The following BLK variants were observed in gnomAD, a reference collection of about 807,000 sequenced individuals.
BLK encodes the protein BLK proto-oncogene, Src family tyrosine kinase.
Under a neutral mutation model 61.8 loss-of-function variants are expected in BLK, and 64 were observed. The observed-to-expected ratio is 1.03, with a 90% CI of 0.85 to 1.27. The LOEUF (loss-of-function observed/expected upper bound fraction) is 1.27. Among genes scored for constraint, BLK ranks in the 50% most tolerant of loss-of-function variants. The pLI, the probability that BLK is intolerant of heterozygous loss-of-function variation, is 0.00. For synonymous variants in BLK, 351 were observed against 272.0 expected, an observed-to-expected ratio of 1.29 and a Z score of -2.86; for missense variants, 853 against 660.5, an observed-to-expected ratio of 1.29 and a Z score of -3.19.
intron 1 of BLK, among the ~76,000 whole-genome samples, chr8:11,495,797 G>A (rs1010925285): frequency 1.3e-5 from 2 of 152,160 alleles, no homozygotes; most frequent in African/African-American, 4.8e-5. Flanking sequence ...AAGACCTGGG[G>A]TCTCGCTAAT....
intron 10 of BLK, chr8:11,560,378 GGTGGATGGATGGATGC>G (rs1216303000): frequency 1.4e-5 from 3 of 211,944 alleles, no homozygotes; most frequent in Non-Finnish European, 2.8e-5. Flanking sequence ...TGGATGGGTG[GGTGGATGGATGGATGC>G]ATGGATGGAT....
At chr8:11,500,292 C>G (rs1798508878) in intron 1 of BLK, among the ~76,000 whole-genome samples, 1 of 152,140 alleles carries the variant, frequency 6.6e-6, no homozygotes, top group South Asian at 2.1e-4. Context: ...CTCCCGGGTT[C>G]AAGCAACTCT....
chr8:11,509,809 G>A (rs1798927306), intron 1 of BLK: 1 of 152,062 alleles, frequency 6.6e-6, no homozygotes, highest in Non-Finnish European at 1.5e-5. Flanking sequence ...CAATAACACT[G>A]GCAACCTAAC....
At chr8:11,549,818 G>A (rs1261076841) in intron 5 of BLK, among the ~76,000 whole-genome samples, 1 of 152,246 alleles carries the variant, frequency 6.6e-6, no homozygotes, top group Non-Finnish European at 1.5e-5. Flanking sequence ...ATCTCAGACT[G>A]CAAGGAGGAG....
intron 1 of BLK, among the ~76,000 whole-genome samples, chr8:11,533,605 A>AGGAGGAGG (rs1563100814): frequency 0.22 from 25,164 of 112,654 alleles, 3,496 homozygotes; most frequent in Non-Finnish European, 0.31. Context: ...GGAGGAGGAG[A>AGGAGGAGG]AGGAGGAGGA....
intron 7 of BLK, 39 bp from the exon 8 acceptor site, chr8:11,555,293 C>T: frequency 6.2e-7 from 1 of 1,613,556 alleles, no homozygotes; most frequent in South Asian, 1.1e-5. Context: ...CCTGGCTGCT[C>T]TGGTAACCCC....
At chr8:11,563,363 C>T (rs2117609288) in intron 12 of BLK, among the ~76,000 whole-genome samples, 1 of 152,348 alleles carries the variant, frequency 6.6e-6, no homozygotes, top group East Asian at 1.9e-4. Flanking sequence ...AGACAAAGGG[C>T]ACATCCGAAC....
At chr8:11,535,685 G>C (rs1800106831) in intron 1 of BLK, among the ~76,000 whole-genome samples, 1 of 152,192 alleles carries the variant, frequency 6.6e-6, no homozygotes, top group African/African-American at 2.4e-5. Context: ...AGGGATGCCT[G>C]AGCCTCGACC....
intron 1 of BLK, among the ~76,000 whole-genome samples, chr8:11,507,238 A>G (rs1390254777): frequency 6.6e-6 from 1 of 152,232 alleles, no homozygotes; most frequent in Non-Finnish European, 1.5e-5. Context: ...CTAGGGAGGA[A>G]GGACAGCTTG....
chr8:11,550,254 C>G lies in BLK; in HGVS notation c.464C>G (p.Thr155Ser). 4 of 1,613,896 alleles carry G rather than the reference C, an allele frequency of 2.5e-6. No homozygotes were observed. Among genetic ancestry groups the G allele is most frequent in the South Asian group, 1.1e-5 (1 of 91,076 alleles). The change falls in exon 6 of 13, where the codon ACC (threonine) becomes AGC (serine). Residue 155 changes from threonine (T) to serine (S), a missense_variant. Physicochemically the swap from Thr to Ser is moderately conservative, Grantham distance 58 (BLOSUM62 1). Coordinates refer to ENST00000259089, the MANE Select transcript of BLK (RefSeq NM_001715.3). ...TCCTTTCTTATCAGAGAGAGTGAAA[C>G]CAACAAAGGTAGGCTTGGTGGCTTT... Reference protein sequence around the residue: ...AGSFLIRESETNKGAFSLSVK... With the variant: ...AGSFLIRESESNKGAFSLSVK...
At chr8:11,551,686 T>C (rs372340829) in intron 6 of BLK, among the ~76,000 whole-genome samples, 2 of 152,286 alleles carry the variant, frequency 1.3e-5, no homozygotes, top group Middle Eastern at 3.4e-3. Flanking sequence ...GGCATTGAGT[T>C]GTTTCCAGTT....
rs1472452233 is a variant in BLK, at chr8:11,564,270, T to C, written c.*162T>C. On this transcript the variant is annotated 3_prime_UTR_variant, in exon 13 of 13. Transcript: ENST00000259089. ...CTTCGCAGGGGGTCCCCGGACGGAC[T>C]CCTTCACCGACTGCACCCCCGGGCG... 2.3e-6 allele frequency: 2 copies of C among 870,794 alleles called. No individual in the cohort carries two copies. Among genetic ancestry groups the C allele is most frequent in the African/African-American group, 3.3e-5 (2 of 60,106 alleles). 53.9% of individuals were successfully genotyped at this position (870,794 alleles called of 1,614,324 possible).
At chr8:11,497,039 C>G (rs913166607) in intron 1 of BLK, among the ~76,000 whole-genome samples, 11 of 152,228 alleles carry the variant, frequency 7.2e-5, no homozygotes, top group African/African-American at 2.6e-4. Flanking sequence ...AAACCTGGCC[C>G]CTCTTGCAGG....
intron 1 of BLK, among the ~76,000 whole-genome samples, chr8:11,505,786 G>A (rs1165973970): frequency 2.0e-5 from 3 of 152,128 alleles, no homozygotes; most frequent in Non-Finnish European, 4.4e-5. Context: ...GACAGTCTGG[G>A]TCTCCTTTCT....
At chr8:11,502,726 T>C (rs1310532095) in intron 1 of BLK, among the ~76,000 whole-genome samples, 2 of 152,178 alleles carry the variant, frequency 1.3e-5, no homozygotes, top group East Asian at 1.9e-4. Context: ...GCCGAGTGTC[T>C]TGAGGCCACA....
chr8:11,521,951 T>G (rs1585350329), intron 1 of BLK, among the ~76,000 whole-genome samples: 2 of 152,358 alleles, frequency 1.3e-5, no homozygotes, highest in Non-Finnish European at 2.9e-5. Context: ...CTTGTAAAGT[T>G]CCTCAAAAAC....
Position 11,528,843 on chromosome 8 carries a change from C to T in BLK, c.-1-14381C>T, listed in dbSNP as rs144395554. Among the ~76,000 whole-genome samples the T allele has an allele frequency of 1.5e-3, 232 of 152,234 alleles. 2 individuals are homozygous for T. The highest frequency in any genetic ancestry group is 5.2e-3 in the East Asian group (27 of 5,184). On this transcript the variant is annotated intron_variant, in intron 1 of 12. Transcript: ENST00000259089. ...GAAGGCATTATCCTCAGCAAACTAA[C>T]GCAGGAACATAAAACCAAACACTGT... is the stretch of plus-strand genomic sequence containing the variant.
At chr8:11,504,018 T>G (rs1798663749) in intron 1 of BLK, among the ~76,000 whole-genome samples, 1 of 152,192 alleles carries the variant, frequency 6.6e-6, no homozygotes, top group Admixed American at 6.5e-5. Context: ...GCTTAGGTCC[T>G]GGCTTTAGAA....
intron 1 of BLK, among the ~76,000 whole-genome samples, chr8:11,527,069 G>A (rs942964029): frequency 8.5e-5 from 13 of 152,068 alleles, no homozygotes; most frequent in African/African-American, 1.4e-4. Flanking sequence ...TCCTAGTGTC[G>A]CTTATTCTTT....
Sources: gnomAD v4.1 joint callset for allele counts (sites outside exome capture counted in the v4.1 genomes callset) on GRCh38, gnomAD v4.1.1 for gene constraint, MANE v1.5 for transcripts, NCBI Gene and HGNC (gene_info 2026-07-23, HGNC 2026-07-21) for gene names.